JADE3: variants seen among roughly 807,000 people sequenced by gnomAD.
The protein encoded by JADE3 is protein Jade-3.
In JADE3, 2 loss-of-function variants were observed where a neutral mutation model predicts 50.1. The observed-to-expected ratio is 0.04, with a 90% CI of 0.02 to 0.13. JADE3 has a LOEUF of 0.13. Ranked by LOEUF, JADE3 falls within the 10% of genes least tolerant of loss-of-function variation. The pLI, the probability that JADE3 is intolerant of heterozygous loss-of-function variation, is 1.00. For synonymous variants in JADE3, 218 were observed against 232.9 expected, an observed-to-expected ratio of 0.94 and a Z score of 0.58; for missense variants, 475 against 634.4, an observed-to-expected ratio of 0.75 and a Z score of 2.70.
At chrX:47,001,109 G>T (rs1273640699) in intron 4 of JADE3, among the ~76,000 whole-genome samples, 6 of 111,870 alleles carry the variant, frequency 5.4e-5, no homozygotes, top group Non-Finnish European at 1.1e-4. Context: ...ATTCCTTAAT[G>T]AAATCCTTAA....
At chrX:46,919,520 C>T (rs1339721149) in intron 1 of JADE3, among the ~76,000 whole-genome samples, 1 of 112,071 alleles carries the variant, frequency 8.9e-6, no homozygotes, top group Non-Finnish European at 1.9e-5. Flanking sequence ...CCTGTGGTTG[C>T]AGTGAAAAAT....
intron 4 of JADE3, among the ~76,000 whole-genome samples, chrX:47,007,316 GTTC>G (rs781963719): frequency 5.4e-5 from 6 of 111,678 alleles, no homozygotes; most frequent in African/African-American, 1.9e-4. Flanking sequence ...GTAGTGTTGA[GTTC>G]TTCTGTACCC....
chrX:46,980,061 G>A (rs1287114945), intron 1 of JADE3, among the ~76,000 whole-genome samples: 1 of 107,828 alleles, frequency 9.3e-6, no homozygotes, highest in Non-Finnish European at 1.9e-5. Context: ...TGTATTTTTA[G>A]TACAGACGGG....
intron 5 of JADE3, among the ~76,000 whole-genome samples, chrX:47,026,256 G>A (rs4361873): frequency 2.7e-5 from 3 of 112,033 alleles, no homozygotes; most frequent in African/African-American, 9.7e-5. Flanking sequence ...CTTATTATGA[G>A]GTTCCTTTGG....
rs1556373976 is a variant in JADE3 at position 47,058,526 on chromosome X, G to T, written c.1921G>T (p.Val641Phe). 5 of 1,209,767 alleles carry T rather than the reference G, an allele frequency of 4.1e-6. No individual in the cohort carries two copies. The African/African-American group carries it at 8.7e-5, about 21-fold the overall frequency. The change falls in exon 11 of 11, where the codon GTC (valine) becomes TTC (phenylalanine). Residue 641 changes from valine (V) to phenylalanine (F), a missense_variant. By Grantham distance (50) the Val-to-Phe change is conservative. Transcript: ENST00000614628. The stretch of plus-strand genomic sequence containing the variant: ...TGGGCAGTCACTGGGAAAGCCTCTG[G>T]TCCTTCAGGCTGCCCTCCATGGACA... ...YHGQSLGKPL[V>F]LQAALHGQSS...
At chrX:46,974,262 T>C (rs1556351116) in intron 1 of JADE3, among the ~76,000 whole-genome samples, 1 of 108,399 alleles carries the variant, frequency 9.2e-6, no homozygotes, top group East Asian at 3.0e-4. Context: ...AAAAATTAGC[T>C]GGGTGTGGTG....
intron 1 of JADE3, among the ~76,000 whole-genome samples, chrX:46,968,348 G>C (rs1281693650): frequency 1.8e-5 from 2 of 111,554 alleles, no homozygotes; most frequent in Admixed American, 1.9e-4. Context: ...TCCCATTCCA[G>C]ACAGGATGGA....
intron 7 of JADE3, among the ~76,000 whole-genome samples, chrX:47,038,135 T>TA (rs1929174217): frequency 8.9e-6 from 1 of 112,339 alleles, no homozygotes; most frequent in East Asian, 2.8e-4. Context: ...TTCGTTCTTT[T>TA]ATATGGTTGA....
chrX:47,056,064 T>TG lies in JADE3; in HGVS notation c.1444-14dup, dbSNP rs1569538943. On this transcript the variant is annotated splice_polypyrimidine_tract_variant and intron_variant, in intron 9 of 10. Coordinates refer to ENST00000614628, the MANE Select transcript of JADE3 (RefSeq NM_014735.5). Reference sequence around the variant, plus strand: ...TAACATGACAAACATCTCTATTTGTTGGGGATTGGGCTTTCAGGTCCGAAA... The same window carrying TG: ...TAACATGACAAACATCTCTATTTGTTGGGGGATTGGGCTTTCAGGTCCGAAA... The TG allele has an allele frequency of 6.8e-6, 7 of 1,031,975 alleles. No individual in the cohort carries two copies. The highest frequency in any genetic ancestry group is 9.5e-6 in the Non-Finnish European group (7 of 738,390). 85.0% of individuals were successfully genotyped at this position (1,031,975 alleles called of 1,213,427 possible). A position where few individuals can be genotyped will look rare whatever the true frequency, so the allele number is the denominator to read the frequency against.
intron 3 of JADE3, among the ~76,000 whole-genome samples, chrX:46,989,390 C>T (rs782133158): frequency 8.9e-6 from 1 of 111,786 alleles, no homozygotes; most frequent in East Asian, 2.8e-4. Context: ...GATAGGTCTG[C>T]TGGTGATAAA....
intron 1 of JADE3, among the ~76,000 whole-genome samples, chrX:46,926,021 A>ATTTTATTTT (rs1926354769): frequency 1.2e-5 from 1 of 80,101 alleles, no homozygotes; most frequent in African/African-American, 5.2e-5. Context: ...ATGCCCAGCT[A>ATTTTATTTT]ATTTTATTTT....
At position 47,024,736 on chromosome X, in the gene JADE3, G is replaced by A. The variant is rs147931279; in HGVS notation, c.297G>A (p.Glu99=). The A allele has an allele frequency of 3.9e-4, 453 of 1,168,771 alleles. No homozygotes were observed. The highest frequency in any genetic ancestry group is 5.0e-4 in the Non-Finnish European group (434 of 865,287). The stretch of plus-strand genomic sequence containing the variant: ...GTTGCTTTTCTAGGATTATAGCTGA[G>A]AAGGTAAAGGACGTTCTGTTTATCC... The part of the protein sequence containing the change: ...VPQPSLRIIA[E]KVKDVLFIRP... Residue 99 remains glutamate, a synonymous_variant, in exon 5 of 11, where the codon GAG becomes GAA. Transcript: ENST00000614628.
intron 4 of JADE3, among the ~76,000 whole-genome samples, chrX:47,020,528 G>A (rs1365535852): frequency 1.8e-5 from 2 of 111,050 alleles, no homozygotes; most frequent in Non-Finnish European, 3.8e-5. Flanking sequence ...ATCATTATAA[G>A]TACAATAATT....
At chrX:47,018,213 TCTCCTTCTTCCCACAC>T (rs1209126706) in intron 4 of JADE3, among the ~76,000 whole-genome samples, 10 of 111,195 alleles carry the variant, frequency 9.0e-5, no homozygotes, top group Middle Eastern at 4.7e-3. Context: ...CCTCACCCCA[TCTCCTTCTTCCCACAC>T]CTCCTTCTTC....
chrX:46,916,255 C>T (rs1204551666), intron 1 of JADE3, among the ~76,000 whole-genome samples: 1 of 112,611 alleles, frequency 8.9e-6, no homozygotes, highest in South Asian at 3.7e-4. Flanking sequence ...GGTTTGCTCT[C>T]ATTTGCTTTA....
chrX:46,961,811 T>C (rs889411836), intron 1 of JADE3, among the ~76,000 whole-genome samples: 4 of 112,192 alleles, frequency 3.6e-5, no homozygotes, highest in South Asian at 3.7e-4. Context: ...CTTCTGACCA[T>C]TGAAGCTGAA....
chrX:46,935,876 G>A (rs1359957764), intron 1 of JADE3, among the ~76,000 whole-genome samples: 3 of 98,404 alleles, frequency 3.0e-5, no homozygotes, highest in Admixed American at 1.1e-4. Context: ...TGTCACCCAG[G>A]CTGGAGTGCA....
Position 47,033,615 on chromosome X carries a change from C to G in JADE3, c.688-6C>G. On this transcript the variant is annotated splice_region_variant and splice_polypyrimidine_tract_variant and intron_variant, in intron 6 of 10. Transcript: ENST00000614628. ...CCATTCTCCCCTCTCCTCCTCATAC[C>G]TCCAGGCCTGCTATGGCATCCTCAA... 2.5e-6 allele frequency: 3 copies of G among 1,202,693 alleles called. No individual in the cohort carries two copies. Among genetic ancestry groups the G allele is most frequent in the Non-Finnish European group, 3.4e-6 (3 of 890,359 alleles).
chrX:47,011,750 A>C (rs1379790564), intron 4 of JADE3, among the ~76,000 whole-genome samples: 1 of 111,597 alleles, frequency 9.0e-6, no homozygotes, highest in African/African-American at 3.3e-5. Context: ...AGTGTATTTC[A>C]CTGTGATTAT....
Sources: gnomAD v4.1 joint callset for allele counts (sites outside exome capture counted in the v4.1 genomes callset) on GRCh38, gnomAD v4.1.1 for gene constraint, MANE v1.5 for transcripts, NCBI Gene and HGNC (gene_info 2026-07-23, HGNC 2026-07-21) for gene names.